The following PACRG variants were observed in gnomAD, a reference collection of about 807,000 sequenced individuals.
PACRG encodes parkin coregulated gene protein.
A neutral mutation model predicts 29.7 loss-of-function variants in PACRG; 29 were observed. That is an observed-to-expected ratio of 0.98 (90% CI 0.73 to 1.33). PACRG has a LOEUF of 1.33. Ranked by LOEUF, PACRG falls within the 40% of genes most tolerant of loss-of-function variation. The pLI, the probability that PACRG is intolerant of heterozygous loss-of-function variation, is 0.00. For synonymous variants in PACRG, 116 were observed against 118.7 expected (o/e 0.98, Z 0.15); for missense variants, 279 against 316.2 (o/e 0.88, Z 0.89).
intron 4 of PACRG, among the ~76,000 whole-genome samples, chr6:163,094,626 A>G (rs1001581039): frequency 1.3e-5 from 2 of 152,136 alleles, no homozygotes; most frequent in Middle Eastern, 3.2e-3. Context: ...TCCTTTTCTT[A>G]TATAGAGCTT....
intron 2 of PACRG, among the ~76,000 whole-genome samples, chr6:162,854,118 G>T (rs1423503884): frequency 6.8e-6 from 1 of 147,030 alleles, no homozygotes; most frequent in Non-Finnish European, 1.5e-5. Flanking sequence ...TATATATTTA[G>T]TTCTCATTAA....
chr6:162,772,001 T>C (rs1039535787), intron 1 of PACRG, among the ~76,000 whole-genome samples: 4 of 152,112 alleles, frequency 2.6e-5, no homozygotes, highest in Admixed American at 2.0e-4. Flanking sequence ...CTAATGGAAG[T>C]TGATGATAGA....
Position 162,885,600 on chromosome 6 carries a change from T to C in PACRG, c.291+71319T>C, listed in dbSNP as rs141183563. Among the ~76,000 whole-genome samples the C allele has an allele frequency of 7.0e-3, 1,059 of 152,284 alleles. 9 individuals carry two copies. Among genetic ancestry groups the C allele is most frequent in the Non-Finnish European group, 0.011 (717 of 68,028 alleles). On this transcript the variant is annotated intron_variant, in intron 2 of 4. Transcript: ENST00000366888. ...TAAGGTGTCTTTGAACAGAAACATGTATAAAACTGAATTATGTATTGATCG... is the reference window on the plus strand; with the variant it reads ...TAAGGTGTCTTTGAACAGAAACATGCATAAAACTGAATTATGTATTGATCG...
chr6:162,792,566 A>T (rs2128328472), intron 1 of PACRG, among the ~76,000 whole-genome samples: 1 of 152,258 alleles, frequency 6.6e-6, no homozygotes, highest in Middle Eastern at 3.4e-3. Context: ...AACTATCTAC[A>T]CAGGCCCTGA....
intron 4 of PACRG, among the ~76,000 whole-genome samples, chr6:163,270,066 C>T (rs1202653777): frequency 2.0e-5 from 3 of 151,756 alleles, no homozygotes; most frequent in African/African-American, 7.3e-5. Flanking sequence ...GGCATTTCCT[C>T]CACCAGATAT....
At chr6:163,254,329 T>C (rs541155764) in intron 4 of PACRG, among the ~76,000 whole-genome samples, 32 of 152,018 alleles carry the variant, frequency 2.1e-4, no homozygotes, top group African/African-American at 7.5e-4. Context: ...GGGAGGAGGA[T>C]GGGAGGGGAG....
At chr6:163,175,968 T>C (rs181151918) in intron 4 of PACRG, among the ~76,000 whole-genome samples, 5 of 152,338 alleles carry the variant, frequency 3.3e-5, no homozygotes, top group East Asian at 1.9e-4. Flanking sequence ...CTCTGGTGCA[T>C]AGCCCAGGTA....
At chr6:163,133,672 C>G (rs972102224) in intron 4 of PACRG, among the ~76,000 whole-genome samples, 2 of 152,116 alleles carry the variant, frequency 1.3e-5, no homozygotes, top group Admixed American at 6.5e-5. Flanking sequence ...GCGAAGCTGT[C>G]GAGCCCGGTG....
rs1811131734 is a variant in PACRG, at chr6:163,061,950, G to A, written c.292-200G>A. Reference sequence around the variant, plus strand: ...GGAGATTTAACTGTTAAGGTCTAAAGGTCCATGATTTTAACCTCATTGCTC... The same window carrying A: ...GGAGATTTAACTGTTAAGGTCTAAAAGTCCATGATTTTAACCTCATTGCTC... On this transcript the variant is annotated intron_variant, in intron 2 of 4. Coordinates refer to ENST00000366888, the MANE Select transcript of PACRG (RefSeq NM_001080379.2). Among the ~76,000 whole-genome samples the A allele has an allele frequency of 1.3e-5, 2 of 152,138 alleles. 1 individual carries two copies. Among genetic ancestry groups the A allele is most frequent in the South Asian group, 4.1e-4 (2 of 4,830 alleles).
At chr6:162,814,548 C>A (rs1787164251) in intron 2 of PACRG, among the ~76,000 whole-genome samples, 1 of 152,150 alleles carries the variant, frequency 6.6e-6, no homozygotes, top group African/African-American at 2.4e-5. Flanking sequence ...TTTATGAGAA[C>A]CTGGCAGCCC....
rs371871923 is a variant in PACRG at position 162,802,765 on chromosome 6, C to T, written c.157-11382C>T. Among the ~76,000 whole-genome samples, 157 of 152,254 alleles carry T rather than the reference C, an allele frequency of 1.0e-3. 1 individual carries two copies. The highest frequency in any genetic ancestry group is 3.7e-3 in the African/African-American group (152 of 41,552). ...TACTTTCAGTCCTCCTCTTAATGAT[C>T]TCCCTTTATTATTAAAAAACAAAAA... On this transcript the variant is annotated intron_variant, in intron 1 of 4. Coordinates refer to ENST00000366888, the MANE Select transcript of PACRG (RefSeq NM_001080379.2).
At chr6:162,826,118 C>T (rs1348917645) in intron 2 of PACRG, among the ~76,000 whole-genome samples, 1 of 151,994 alleles carries the variant, frequency 6.6e-6, no homozygotes, top group African/African-American at 2.4e-5. Context: ...CTAATACTTC[C>T]TCAAGTACAA....
intron 2 of PACRG, among the ~76,000 whole-genome samples, chr6:162,894,577 A>G (rs533363960): frequency 1.3e-5 from 2 of 152,212 alleles, no homozygotes; most frequent in Non-Finnish European, 2.9e-5. Context: ...ACTGTCTACA[A>G]ATGAAAATCA....
chr6:163,006,607 A>G (rs1278632050), intron 2 of PACRG, among the ~76,000 whole-genome samples: 1 of 151,648 alleles, frequency 6.6e-6, no homozygotes, highest in South Asian at 2.1e-4. Flanking sequence ...TTCTTCATAT[A>G]TTTTGGAGCT....
At chr6:162,744,248 C>T (rs989556288) in intron 1 of PACRG, among the ~76,000 whole-genome samples, 2 of 152,046 alleles carry the variant, frequency 1.3e-5, no homozygotes, top group African/African-American at 2.4e-5. Context: ...TATTCTGGAT[C>T]ATTAAATGCA....
intron 2 of PACRG, among the ~76,000 whole-genome samples, chr6:162,916,941 A>G (rs935802814): frequency 2.0e-5 from 3 of 152,056 alleles, no homozygotes; most frequent in Admixed American, 6.6e-5. Context: ...TACGGTTTCT[A>G]GTGGTGGATA....
chr6:163,284,703 C>G (rs560766584), intron 4 of PACRG, among the ~76,000 whole-genome samples: 1 of 152,098 alleles, frequency 6.6e-6, no homozygotes, highest in African/African-American at 2.4e-5. Flanking sequence ...CCCCAACCCC[C>G]GCTCCCCGCC....
At chr6:162,760,707 G>A (rs1422904996) in intron 1 of PACRG, among the ~76,000 whole-genome samples, 2 of 152,132 alleles carry the variant, frequency 1.3e-5, no homozygotes, top group Admixed American at 6.5e-5. Context: ...GTGTGAGGCT[G>A]TAGAGGTCTT....
intron 1 of PACRG, among the ~76,000 whole-genome samples, chr6:162,735,841 T>C (rs547299720): frequency 2.6e-5 from 4 of 152,178 alleles, no homozygotes; most frequent in Non-Finnish European, 5.9e-5. Flanking sequence ...GTGAAATACA[T>C]ATACATTAAG....
Sources: gnomAD v4.1 joint callset for allele counts (sites outside exome capture counted in the v4.1 genomes callset) on GRCh38, gnomAD v4.1.1 for gene constraint, MANE v1.5 for transcripts, NCBI Gene and HGNC (gene_info 2026-07-23, HGNC 2026-07-21) for gene names.